Variants in TPR observed in about 807,000 individuals in gnomAD.
TPR encodes translocated promoter region, nuclear basket protein, also known as nucleoprotein TPR.
In TPR, 51 loss-of-function variants were observed where a neutral mutation model predicts 316.1. That is an observed-to-expected ratio of 0.16 (90% CI 0.13 to 0.20). TPR has a LOEUF of 0.20. Ranked by LOEUF, TPR falls within the 10% of genes least tolerant of loss-of-function variation. TPR has a pLI of 1.00. For missense variants in TPR, 2,272 were observed against 2,754.8 expected (o/e 0.82, Z 3.92); for synonymous variants, 981 against 914.7 (o/e 1.07, Z -1.31).
At chr1:186,356,869 A>G (rs1659043985) in intron 14 of TPR, among the ~76,000 whole-genome samples, 1 of 152,320 alleles carries the variant, frequency 6.6e-6, no homozygotes, top group Admixed American at 6.5e-5. Context: ...GATCCCACAG[A>G]TAGGCACTAA....
chr1:186,335,388 G>C lies in TPR; in HGVS notation c.4861C>G (p.Gln1621Glu), dbSNP rs778177915. The C allele has an allele frequency of 1.2e-6, 2 of 1,613,768 alleles. No individual in the cohort carries two copies. Among genetic ancestry groups the C allele is most frequent in the Admixed American group, 3.3e-5 (2 of 59,988 alleles). Residue 1621 changes from glutamine to glutamate, a missense_variant, in exon 34 of 51, where the codon CAA (glutamine) becomes GAA (glutamate). By Grantham distance (29) the Gln-to-Glu change is conservative. Transcript: ENST00000367478. The stretch of plus-strand genomic sequence containing the variant: ...TCTCTCTGCTCAAGGTGTCTCTCTT[G>C]ATGCTCCCTGAGTTCTCTTTCCAAG... ...SRLERELREHQERHLEQRDEP... is the reference protein window; with the variant it reads ...SRLERELREHEERHLEQRDEP...
At chr1:186,337,495 A>G (rs920197058) in intron 31 of TPR, among the ~76,000 whole-genome samples, 1 of 152,162 alleles carries the variant, frequency 6.6e-6, no homozygotes, top group South Asian at 2.1e-4. Context: ...GCTTACATGT[A>G]TGAAAAGGGA....
intron 21 of TPR, among the ~76,000 whole-genome samples, chr1:186,348,148 AG>A (rs1260082135): frequency 6.6e-6 from 1 of 152,182 alleles, no homozygotes; most frequent in Non-Finnish European, 1.5e-5. Context: ...CTTGTTGCAG[AG>A]GGCCTATAAA....
chr1:186,343,594 A>T, intron 26 of TPR, 121 bp from the exon 27 acceptor site: 2 of 845,364 alleles, frequency 2.4e-6, no homozygotes, highest in South Asian at 2.0e-5. Context: ...CGTTTTCATT[A>T]ATAATAAATA....
chr1:186,340,508 T>G (rs1658481230), intron 29 of TPR, among the ~76,000 whole-genome samples: 1 of 152,014 alleles, frequency 6.6e-6, no homozygotes, highest in Non-Finnish European at 1.5e-5. Flanking sequence ...CACAACTCAC[T>G]GCAGCTTCGA....
chr1:186,360,755 T>C lies in TPR; in HGVS notation c.1099+10A>G. ...ATTTCAACTCACTAACAAGCATCTA[T>C]TAGCCATACCTTTACGTTTTGTGGC... is the stretch of plus-strand genomic sequence containing the variant. On this transcript the variant is annotated intron_variant, in intron 10 of 50. Transcript: ENST00000367478. The C allele has an allele frequency of 6.2e-7, 1 of 1,612,172 alleles. No individual in the cohort carries two copies. Among genetic ancestry groups the C allele is most frequent in the Non-Finnish European group, 8.5e-7 (1 of 1,178,940 alleles).
At chr1:186,336,410 C>T (rs1373602194) in intron 33 of TPR, 86 bp downstream of exon 33, 52 of 1,279,624 alleles carry the variant, frequency 4.1e-5, no homozygotes, top group East Asian at 1.9e-4. Flanking sequence ...TAAGTAGATA[C>T]CTTTTATTTC....
intron 39 of TPR, among the ~76,000 whole-genome samples, chr1:186,328,194 T>C (rs909227968): frequency 6.6e-6 from 1 of 152,160 alleles, no homozygotes; most frequent in Non-Finnish European, 1.5e-5. Flanking sequence ...TATTGGTTAA[T>C]ACTCCAATAA....
At chr1:186,335,569 TTAA>T in intron 33 of TPR, 26 bp from the exon 34 acceptor site, 1 of 1,516,124 alleles carries the variant, frequency 6.6e-7, no homozygotes, top group African/African-American at 1.4e-5. Flanking sequence ...GGCGATTATA[TTAA>T]TATTATAATC....
intron 49 of TPR, among the ~76,000 whole-genome samples, chr1:186,315,565 C>T (rs1657585157): frequency 6.6e-6 from 1 of 152,004 alleles, no homozygotes; most frequent in Non-Finnish European, 1.5e-5. Context: ...ACTGCAGTAG[C>T]CTCCAAAGTT....
intron 33 of TPR, among the ~76,000 whole-genome samples, chr1:186,336,083 C>T (rs1035155139): frequency 2.0e-5 from 3 of 152,048 alleles, no homozygotes; most frequent in African/African-American, 7.2e-5. Context: ...TGACATGATA[C>T]TCTCCCTGAA....
At chr1:186,349,263 T>A (rs892466878) in intron 21 of TPR, among the ~76,000 whole-genome samples, 2 of 152,230 alleles carry the variant, frequency 1.3e-5, no homozygotes, top group South Asian at 4.1e-4. Flanking sequence ...TGAAGTAGTT[T>A]CTACTGAATG....
At chr1:186,340,944 C>T (rs1658491666) in intron 29 of TPR, 84 bp downstream of exon 29, 1 of 1,512,034 alleles carries the variant, frequency 6.6e-7, no homozygotes, top group Non-Finnish European at 8.9e-7. Context: ...TCACTAGTTC[C>T]TCAAATATTT....
Position 186,341,156 on chromosome 1 carries a change from T to G in TPR, c.3892A>C (p.Arg1298=). Residue 1298 remains arginine (R), a synonymous_variant, in exon 29 of 51, where the codon AGG becomes CGG. Coordinates refer to ENST00000367478, the MANE Select transcript of TPR (RefSeq NM_003292.3). Reference sequence around the variant, plus strand: ...GGTAAAATATCTAACTCCAGTTTCCTCACCTGAAAATCATGCCAATATTTA... The same window carrying G: ...GGTAAAATATCTAACTCCAGTTTCCGCACCTGAAAATCATGCCAATATTTA... The part of the protein sequence containing the change: ...QDLQQMQAKV[R]KLELDILPLQ... The G allele has an allele frequency of 6.2e-7, 1 of 1,613,736 alleles. No homozygotes were observed. The highest frequency in any genetic ancestry group is 1.1e-5 in the South Asian group (1 of 90,898).
At chr1:186,351,217 A>G in intron 20 of TPR, 113 bp downstream of exon 20, 5 of 1,257,746 alleles carry the variant, frequency 4.0e-6, no homozygotes, top group Non-Finnish European at 5.3e-6. Flanking sequence ...AGAAAAACTT[A>G]GTAACAAAGT....
At chr1:186,320,252 CT>C in intron 46 of TPR, 59 bp downstream of exon 46, 1 of 1,401,972 alleles carries the variant, frequency 7.1e-7, no homozygotes, top group East Asian at 2.5e-5. Flanking sequence ...TAAATCACAT[CT>C]TAATAGTTTA....
At chr1:186,339,495 T>C in intron 30 of TPR, 147 bp downstream of exon 30, 1 of 484,474 alleles carries the variant, frequency 2.1e-6, no homozygotes, top group Non-Finnish European at 3.4e-6. Flanking sequence ...ACTGCTTGAC[T>C]CTACAAAGTA....
At chr1:186,338,611 C>T (rs181899076) in intron 30 of TPR, among the ~76,000 whole-genome samples, 25 of 152,148 alleles carry the variant, frequency 1.6e-4, no homozygotes, top group Non-Finnish European at 2.6e-4. Flanking sequence ...GTAAAAGGGC[C>T]GGATAGAATG....
rs1337729021 is a variant in TPR, at chr1:186,353,663, G to T, written c.2334+25C>A. On this transcript the variant is annotated intron_variant, in intron 18 of 50. Coordinates refer to ENST00000367478, the MANE Select transcript of TPR (RefSeq NM_003292.3). ...ATGTCAAATGCAACTTATAATGCAA[G>T]TTGGACAAGGGATATTGGACTCACT... is the stretch of plus-strand genomic sequence containing the variant. 5 of 1,596,290 alleles carry T rather than the reference G, an allele frequency of 3.1e-6. No individual in the cohort carries two copies. In the East Asian group the frequency reaches 1.1e-4, roughly 36 times the overall value.
Sources: allele counts gnomAD v4.1 joint callset (sites outside exome capture counted in the v4.1 genomes callset), GRCh38; gene constraint gnomAD v4.1.1; transcripts MANE v1.5; gene names NCBI Gene and HGNC (gene_info 2026-07-23, HGNC 2026-07-21).